WWOX: variants seen among roughly 807,000 people sequenced by gnomAD.
WWOX encodes the protein WW domain-containing oxidoreductase.
WWOX carries 69 observed loss-of-function variants against 46.2 expected under a neutral mutation model. The observed-to-expected ratio is 1.49, with a 90% CI of 1.23 to 1.82. WWOX has a LOEUF of 1.82. Among genes scored for constraint, WWOX ranks in the 40% most tolerant of loss-of-function variants. The probability of loss-of-function intolerance (pLI) is 0.00; values close to 1 mark genes in which losing one functional copy is unlikely to be tolerated. For missense variants in WWOX, 919 were observed against 542.6 expected (o/e 1.69, Z -6.89); for synonymous variants, 359 against 202.6 (o/e 1.77, Z -6.56).
At chr16:78,605,678 T>A (rs1393625501) in intron 8 of WWOX, among the ~76,000 whole-genome samples, 1 of 152,222 alleles carries the variant, frequency 6.6e-6, no homozygotes, top group African/African-American at 2.4e-5. Context: ...CCTCTCGTGC[T>A]TGGAGGCATA....
intron 8 of WWOX, among the ~76,000 whole-genome samples, chr16:78,920,666 A>C (rs534680376): frequency 6.6e-6 from 1 of 152,100 alleles, no homozygotes; most frequent in Non-Finnish European, 1.5e-5. Context: ...TCTTGGAAAC[A>C]CTCCTTTGTC....
chr16:78,793,096 A>G (rs1407573729), intron 8 of WWOX, among the ~76,000 whole-genome samples: 3 of 152,108 alleles, frequency 2.0e-5, no homozygotes, highest in African/African-American at 7.2e-5. Flanking sequence ...TTTTTGAGAA[A>G]GGCTCTCACT....
intron 3 of WWOX, among the ~76,000 whole-genome samples, chr16:78,113,177 A>C (rs1167721254): frequency 2.6e-5 from 4 of 152,118 alleles, no homozygotes; most frequent in Non-Finnish European, 5.9e-5. Flanking sequence ...GAATTCAATA[A>C]AAATGTACAT....
chr16:79,087,521 C>G (rs2048875634), intron 8 of WWOX, among the ~76,000 whole-genome samples: 3 of 151,714 alleles, frequency 2.0e-5, no homozygotes, highest in Admixed American at 2.0e-4. Context: ...GCTAGAACAA[C>G]AAGCTTGGAA....
chr16:78,493,296 C>T (rs74755875), intron 8 of WWOX, among the ~76,000 whole-genome samples: 2,945 of 152,280 alleles, frequency 0.019, 93 homozygotes, highest in African/African-American at 0.067. Context: ...TTATTTAAGA[C>T]AGGTGGCTAG....
intron 8 of WWOX, among the ~76,000 whole-genome samples, chr16:78,880,437 A>G (rs1230543234): frequency 2.0e-5 from 3 of 152,242 alleles, no homozygotes; most frequent in Non-Finnish European, 4.4e-5. Context: ...CTCATTCGGT[A>G]TACGAAAGTA....
chr16:78,646,615 A>T (rs1265019395), intron 8 of WWOX, among the ~76,000 whole-genome samples: 1 of 152,124 alleles, frequency 6.6e-6, no homozygotes, highest in Admixed American at 6.5e-5. Flanking sequence ...TTTAGTAGAG[A>T]CTAGGTTTCA....
At position 78,462,468 on chromosome 16, in the gene WWOX, A is replaced by G. The variant is rs1015009203; in HGVS notation, c.1056+29716A>G. Among the ~76,000 whole-genome samples the G allele has an allele frequency of 3.3e-5, 5 of 152,216 alleles. 1 individual carries two copies. Reference sequence around the variant, plus strand: ...TAAAGGAAACTGCACTCACACTGCTATTAAGCAGGTATTTCCTTAGTAAAT... The same window carrying G: ...TAAAGGAAACTGCACTCACACTGCTGTTAAGCAGGTATTTCCTTAGTAAAT... On this transcript the variant is annotated intron_variant, in intron 8 of 8. Transcript: ENST00000566780.
intron 4 of WWOX, among the ~76,000 whole-genome samples, chr16:78,138,201 A>C (rs7191973): frequency 0.024 from 3,676 of 150,950 alleles, 313 homozygotes; most frequent in African/African-American, 0.085. Flanking sequence ...TGCAAGAGCC[A>C]GCCCAGTTTT....
At chr16:78,432,375 G>C in intron 7 of WWOX, 113 bp from the exon 8 acceptor site, 1 of 1,426,350 alleles carries the variant, frequency 7.0e-7, no homozygotes, top group Admixed American at 1.7e-5. Flanking sequence ...CAAAGTGCTC[G>C]GATTACAGAT....
intron 8 of WWOX, among the ~76,000 whole-genome samples, chr16:78,782,537 T>C (rs1307346197): frequency 6.6e-6 from 1 of 152,172 alleles, no homozygotes; most frequent in Non-Finnish European, 1.5e-5. Context: ...TCAAGAGTGA[T>C]GGACCAAAAA....
chr16:78,373,195 C>A (rs1020684935), intron 5 of WWOX, among the ~76,000 whole-genome samples: 8 of 152,136 alleles, frequency 5.3e-5, no homozygotes, highest in Non-Finnish European at 1.5e-5. Context: ...GAGCTTCAGA[C>A]TCAATAGGTA....
At chr16:79,185,964 ATGCGTGTGTGTG>A (rs1482519946) in intron 8 of WWOX, among the ~76,000 whole-genome samples, 7 of 150,552 alleles carry the variant, frequency 4.6e-5, no homozygotes, top group Non-Finnish European at 3.0e-5. Flanking sequence ...GTGTGTGTGC[ATGCGTGTGTGTG>A]TGTGTGTATT....
chr16:78,231,147 G>A (rs1299209256), intron 5 of WWOX, among the ~76,000 whole-genome samples: 2 of 152,162 alleles, frequency 1.3e-5, no homozygotes, highest in Non-Finnish European at 1.5e-5. Flanking sequence ...ACTTAGTTTA[G>A]TTTTGTTTTT....
chr16:78,888,784 T>G (rs1233754127), intron 8 of WWOX, among the ~76,000 whole-genome samples: 2 of 151,258 alleles, frequency 1.3e-5, no homozygotes, highest in Admixed American at 6.7e-5. Flanking sequence ...TTTGTCACTG[T>G]TGGTACAGTT....
chr16:79,029,331 A>T (rs2047708293), intron 8 of WWOX, among the ~76,000 whole-genome samples: 1 of 152,224 alleles, frequency 6.6e-6, no homozygotes, highest in South Asian at 2.1e-4. Context: ...ATCAGCCATT[A>T]AGAAAAAGGT....
rs2050035782 is a variant in WWOX at position 78,770,409 on chromosome 16, T to C, written c.1056+337657T>C. Among the ~76,000 whole-genome samples, 4 of 152,046 alleles carry C rather than the reference T, an allele frequency of 2.6e-5. No individual in the cohort carries two copies. In the South Asian group the frequency reaches 6.2e-4, roughly 24 times the overall value. On this transcript the variant is annotated intron_variant, in intron 8 of 8. Coordinates refer to ENST00000566780, the MANE Select transcript of WWOX (RefSeq NM_016373.4). Reference sequence around the variant, plus strand: ...AGAATACAGATTTGGGAGCAGCCAGTACCAATGGGGGATGGGGCAGTACAC... The same window carrying C: ...AGAATACAGATTTGGGAGCAGCCAGCACCAATGGGGGATGGGGCAGTACAC...
chr16:78,449,167 T>C (rs1439242703), intron 8 of WWOX, among the ~76,000 whole-genome samples: 1 of 152,174 alleles, frequency 6.6e-6, no homozygotes, highest in South Asian at 2.1e-4. Flanking sequence ...AGGCTTCCTT[T>C]CCTGCCTGGT....
chr16:79,049,735 C>G (rs2048131233), intron 8 of WWOX, among the ~76,000 whole-genome samples: 1 of 150,848 alleles, frequency 6.6e-6, no homozygotes, highest in South Asian at 2.1e-4. Flanking sequence ...ACTTGGGAGG[C>G]TGAGGCAGAG....
Sources: gnomAD v4.1 joint callset for allele counts (sites outside exome capture counted in the v4.1 genomes callset) on GRCh38, gnomAD v4.1.1 for gene constraint, MANE v1.5 for transcripts, NCBI Gene and HGNC (gene_info 2026-07-23, HGNC 2026-07-21) for gene names.